Variants in LRCH3 observed in about 807,000 individuals in gnomAD.
The protein encoded by LRCH3 is DISP complex protein LRCH3.
In LRCH3, 68 loss-of-function variants were observed where a neutral mutation model predicts 104.5. That is an observed-to-expected ratio of 0.65 (90% CI 0.54 to 0.80). The LOEUF (loss-of-function observed/expected upper bound fraction) is 0.80. LRCH3 is among the 30% of genes least tolerant of loss of function. LRCH3 has a pLI of 0.00. For missense variants in LRCH3, 951 were observed against 953.9 expected, an observed-to-expected ratio of 1.00 and a Z score of 0.04; for synonymous variants, 344 against 361.3, an observed-to-expected ratio of 0.95 and a Z score of 0.54.
chr3:197,849,447 C>CTA (rs1739260065), intron 12 of LRCH3, among the ~76,000 whole-genome samples: 1 of 152,020 alleles, frequency 6.6e-6, no homozygotes, highest in Admixed American at 6.6e-5. Context: ...TGTTAATGTA[C>CTA]TAATGGCCAT....
chr3:197,871,675 G>T, intron 19 of LRCH3: 1 of 504,272 alleles, frequency 2.0e-6, no homozygotes. Flanking sequence ...CATGTACAGT[G>T]TGTGTTATAG....
In LRCH3 at chr3:197,829,627, C is replaced by T; in HGVS notation, c.841C>T (p.Pro281Ser). 3 of 1,613,474 alleles carry T rather than the reference C, an allele frequency of 1.9e-6. No homozygotes were observed. The highest frequency in any genetic ancestry group is 2.5e-6 in the Non-Finnish European group (3 of 1,179,874). ...GAACATACAAGCTTGTAAGATTGCT[C>T]CAGATCTGCCGGATTATGATAGGAG... Reference protein sequence around the residue: ...YLNIQACKIAPDLPDYDRRPL... With the variant: ...YLNIQACKIASDLPDYDRRPL... The change falls in exon 6 of 21, where the codon CCA becomes TCA. Residue 281 changes from proline to serine, a missense_variant. Transcript: ENST00000425562.
At chr3:197,869,319 G>T (rs1335292406) in intron 17 of LRCH3, among the ~76,000 whole-genome samples, 1 of 151,578 alleles carries the variant, frequency 6.6e-6, no homozygotes, top group Non-Finnish European at 1.5e-5. Flanking sequence ...GCCATGCACT[G>T]TACCTGCAGG....
chr3:197,851,281 T>C (rs1483217431), intron 12 of LRCH3, among the ~76,000 whole-genome samples: 1 of 152,194 alleles, frequency 6.6e-6, no homozygotes, highest in Non-Finnish European at 1.5e-5. Context: ...CTTGATTAAA[T>C]GTCAAATTAG....
At chr3:197,841,840 T>TGTTTTGTTTTG in intron 10 of LRCH3, among the ~76,000 whole-genome samples, 1 of 141,052 alleles carries the variant, frequency 7.1e-6, no homozygotes, top group African/African-American at 2.7e-5. Flanking sequence ...TGTTTTGTTT[T>TGTTTTGTTTTG]GTTTTGTTTT....
In LRCH3 at chr3:197,816,485, G is replaced by T. The variant is rs543359323; in HGVS notation, c.408-691G>T. Among the ~76,000 whole-genome samples the T allele has an allele frequency of 2.0e-5, 3 of 152,260 alleles. No homozygotes were observed. In the South Asian group the frequency reaches 6.2e-4, roughly 32 times the overall value. Reference sequence around the variant, plus strand: ...AGTAGAGACGGGGTTTCGCCATGTTGGCCAGGCTGGTCTCGAACCCCTGAC... The same window carrying T: ...AGTAGAGACGGGGTTTCGCCATGTTTGCCAGGCTGGTCTCGAACCCCTGAC... On this transcript the variant is annotated intron_variant, in intron 2 of 20. Coordinates refer to ENST00000425562, the MANE Select transcript of LRCH3 (RefSeq NM_001365715.1).
At chr3:197,879,851 AGAG>A (rs909034952) in intron 20 of LRCH3, among the ~76,000 whole-genome samples, 16 of 150,492 alleles carry the variant, frequency 1.1e-4, no homozygotes, top group Admixed American at 2.0e-4. Flanking sequence ...TTTTTTAAAT[AGAG>A]GAGAATGAGT....
At chr3:197,850,541 T>C in intron 12 of LRCH3, 11 of 1,589,732 alleles carry the variant, frequency 6.9e-6, no homozygotes, top group Non-Finnish European at 9.4e-6. Flanking sequence ...AGCTCATGTA[T>C]GGGTTAATCC....
rs1178988178 is a variant in LRCH3 at position 197,810,144 on chromosome 3, C to G, written c.263-4764C>G. On this transcript the variant is annotated intron_variant, in intron 1 of 20. Transcript: ENST00000425562. This position sits in a 1 kb window ranked among gnomAD's most constrained non-coding sequence, Gnocchi z 4.0. ...TTCTGTCTTGCTAAGCTACCCTTTC[C>G]TGGTGCTTTATTATTATTTTGTTAT... Among the ~76,000 whole-genome samples, 1 of 151,932 alleles carries G rather than the reference C, an allele frequency of 6.6e-6. No homozygotes were observed. Among genetic ancestry groups the G allele is most frequent in the Non-Finnish European group, 1.5e-5 (1 of 67,980 alleles).
chr3:197,863,422 A>G (rs1741110686), intron 15 of LRCH3, among the ~76,000 whole-genome samples: 1 of 151,900 alleles, frequency 6.6e-6, no homozygotes, highest in South Asian at 2.1e-4. Flanking sequence ...CACCATGCCC[A>G]CCTAATTTTT....
intron 1 of LRCH3, among the ~76,000 whole-genome samples, chr3:197,792,785 G>A (rs1580500753): frequency 6.6e-6 from 1 of 150,530 alleles, no homozygotes; most frequent in Non-Finnish European, 1.5e-5. Flanking sequence ...CCGAGTAGCT[G>A]GGACTACAGG....
chr3:197,853,195 T>C (rs961841784), intron 13 of LRCH3, among the ~76,000 whole-genome samples: 7 of 152,094 alleles, frequency 4.6e-5, no homozygotes, highest in African/African-American at 1.7e-4. Context: ...TCTTTTTCTT[T>C]TTCTTTTTTT....
chr3:197,830,754 A>G lies in LRCH3; in HGVS notation c.888-16A>G, dbSNP rs372311860. Reference sequence around the variant, plus strand: ...AAAATAACAAACTTTGCAGTAACAGAGTCTCTTTTCGGCAGCCATGAAGAA... The same window carrying G: ...AAAATAACAAACTTTGCAGTAACAGGGTCTCTTTTCGGCAGCCATGAAGAA... On this transcript the variant is annotated splice_polypyrimidine_tract_variant and intron_variant, in intron 6 of 20. Transcript: ENST00000425562. 6.3e-7 allele frequency: 1 copy of G among 1,595,026 alleles called. No homozygotes were observed. Among genetic ancestry groups the G allele is most frequent in the Non-Finnish European group, 8.6e-7 (1 of 1,165,338 alleles).
intron 13 of LRCH3, among the ~76,000 whole-genome samples, chr3:197,852,977 G>C (rs538304119): frequency 5.3e-5 from 8 of 152,062 alleles, no homozygotes; most frequent in Non-Finnish European, 8.8e-5. Context: ...CTCTTACATA[G>C]GATTTCAGAT....
chr3:197,870,996 T>C (rs754039743), intron 18 of LRCH3, among the ~76,000 whole-genome samples: 8 of 152,340 alleles, frequency 5.3e-5, no homozygotes, highest in Non-Finnish European at 1.2e-4. Flanking sequence ...TATATGTGTG[T>C]GCACACATAT....
intron 17 of LRCH3, 55 bp downstream of exon 17, chr3:197,866,274 C>T (rs1741475207): frequency 1.6e-6 from 2 of 1,245,082 alleles, no homozygotes; most frequent in Admixed American, 3.4e-5. Context: ...CACAACGACG[C>T]TAGCTGTTAG....
chr3:197,862,941 C>G (rs1027712273), intron 15 of LRCH3, among the ~76,000 whole-genome samples: 15 of 152,292 alleles, frequency 9.8e-5, no homozygotes, highest in African/African-American at 3.6e-4. Context: ...AAAATTGTCT[C>G]CAAGTGAGTC....
At chr3:197,831,398 G>A (rs1438232151) in intron 7 of LRCH3, 1 of 152,256 alleles carries the variant, frequency 6.6e-6, no homozygotes, top group Non-Finnish European at 1.5e-5. Context: ...AATTACTAAT[G>A]TGTAATATTT....
chr3:197,855,038 C>G (rs999686113), intron 14 of LRCH3, among the ~76,000 whole-genome samples: 1 of 152,088 alleles, frequency 6.6e-6, no homozygotes, highest in African/African-American at 2.4e-5. Flanking sequence ...TATTTAACAT[C>G]TTATTAGCCT....
Sources: allele counts gnomAD v4.1 joint callset (sites outside exome capture counted in the v4.1 genomes callset), GRCh38; gene constraint gnomAD v4.1.1; non-coding constraint Gnocchi (gnomAD v3.1); transcripts MANE v1.5; gene names NCBI Gene and HGNC (gene_info 2026-07-23, HGNC 2026-07-21).